Variants in MEI4 observed in about 807,000 individuals in gnomAD.
MEI4 encodes meiosis-specific protein MEI4.
Under a neutral mutation model 31.4 loss-of-function variants are expected in MEI4, and 27 were observed. That is an observed-to-expected ratio of 0.86 (90% CI 0.63 to 1.19). MEI4 has a LOEUF of 1.19. MEI4 is among the 50% of genes most tolerant of loss of function. The pLI is 0.00. For missense variants in MEI4, 329 were observed against 398.9 expected, an observed-to-expected ratio of 0.82 and a Z score of 1.49; for synonymous variants, 122 against 145.4, an observed-to-expected ratio of 0.84 and a Z score of 1.16.
intron 3 of MEI4, among the ~76,000 whole-genome samples, chr6:77,768,406 G>T (rs28431813): frequency 7.2e-5 from 11 of 152,140 alleles, no homozygotes; most frequent in Admixed American, 5.2e-4. Flanking sequence ...GTGTAAAAAT[G>T]TATGTTTATA....
chr6:77,713,180 C>T (rs1766505115), intron 2 of MEI4, among the ~76,000 whole-genome samples: 3 of 152,072 alleles, frequency 2.0e-5, no homozygotes, highest in South Asian at 4.1e-4. Flanking sequence ...TACACACTCT[C>T]CTGTTCTGAA....
At chr6:77,663,184 G>A (rs566425509) in intron 1 of MEI4, among the ~76,000 whole-genome samples, 316 of 152,306 alleles carry the variant, frequency 2.1e-3, no homozygotes, top group Middle Eastern at 0.014. Flanking sequence ...CCTGGTTTTA[G>A]GACAGGTAAA....
chr6:77,663,978 G>A (rs1223656588), intron 1 of MEI4, among the ~76,000 whole-genome samples: 4 of 152,236 alleles, frequency 2.6e-5, no homozygotes, highest in African/African-American at 4.8e-5. Flanking sequence ...CCCGGGCTGC[G>A]GGCATTCCTT....
At chr6:77,878,756 G>A (rs1771405686) in intron 4 of MEI4, among the ~76,000 whole-genome samples, 1 of 151,934 alleles carries the variant, frequency 6.6e-6, no homozygotes, top group African/African-American at 2.4e-5. Flanking sequence ...TAAATCATGT[G>A]AAATTGATAT....
Position 77,923,277 on chromosome 6 carries a change from GTTTAC to G in MEI4, c.1093_1097del (p.Thr365LeufsTer18). 9 of 1,230,144 alleles carry G rather than the reference GTTTAC, an allele frequency of 7.3e-6. No homozygotes were observed. The highest frequency in any genetic ancestry group is 9.1e-6 in the Non-Finnish European group (9 of 986,642). 76.2% of individuals were successfully genotyped at this position (1,230,144 alleles called of 1,614,324 possible). ...TCCAACTTTCTGATGCATTTCCTTT[GTTTAC>G]TTTTTATTTATGGAGAGTGGGCATT... On this transcript the variant is annotated frameshift_variant, in exon 5 of 5. Transcript: ENST00000684080. LOFTEE classifies it high-confidence loss of function.
chr6:77,816,372 G>A (rs1769690230), intron 3 of MEI4, among the ~76,000 whole-genome samples: 1 of 152,126 alleles, frequency 6.6e-6, no homozygotes, highest in Non-Finnish European at 1.5e-5. Context: ...CACGGGCATA[G>A]TTCTTTTTAA....
intron 2 of MEI4, among the ~76,000 whole-genome samples, chr6:77,734,507 C>T (rs976409101): frequency 6.6e-6 from 1 of 152,140 alleles, no homozygotes; most frequent in African/African-American, 2.4e-5. Context: ...TTCCTCCAAT[C>T]TTTTATTTTG....
intron 4 of MEI4, among the ~76,000 whole-genome samples, chr6:77,908,657 T>G (rs527563623): frequency 6.6e-6 from 1 of 152,102 alleles, no homozygotes; most frequent in Admixed American, 6.6e-5. Flanking sequence ...ATATGAACTT[T>G]AAAGTAGCAA....
chr6:77,735,584 C>G (rs1202531484), intron 2 of MEI4, among the ~76,000 whole-genome samples: 1 of 152,010 alleles, frequency 6.6e-6, no homozygotes, highest in African/African-American at 2.4e-5. Context: ...TTTGAATGTC[C>G]TCCCGTAGCT....
intron 3 of MEI4, among the ~76,000 whole-genome samples, chr6:77,806,853 G>A (rs1366986398): frequency 5.9e-5 from 9 of 151,708 alleles, no homozygotes; most frequent in African/African-American, 2.2e-4. Flanking sequence ...GGTTTTACTG[G>A]AACACATCTA....
At chr6:77,668,302 A>G (rs1194657791) in intron 1 of MEI4, among the ~76,000 whole-genome samples, 2 of 152,194 alleles carry the variant, frequency 1.3e-5, no homozygotes, top group Non-Finnish European at 2.9e-5. Context: ...TTTGCCTTCT[A>G]GGGCAAACCT....
chr6:77,655,124 C>A (rs569513028), intron 1 of MEI4, among the ~76,000 whole-genome samples: 1 of 152,224 alleles, frequency 6.6e-6, no homozygotes, highest in South Asian at 2.1e-4. Context: ...TCTCATTGTT[C>A]AACTCCCACT....
chr6:77,740,215 TTTGA>T (rs1207859386), intron 2 of MEI4, among the ~76,000 whole-genome samples: 1 of 152,212 alleles, frequency 6.6e-6, no homozygotes, highest in Non-Finnish European at 1.5e-5. Context: ...GTTTTTTATG[TTTGA>T]TTATGTGATC....
chr6:77,903,268 A>G (rs956418336), intron 4 of MEI4, among the ~76,000 whole-genome samples: 1 of 152,152 alleles, frequency 6.6e-6, no homozygotes, highest in Non-Finnish European at 1.5e-5. Flanking sequence ...GCAATGCACA[A>G]TCAGCACAAA....
chr6:77,776,307 TATTA>T (rs1768440702), intron 3 of MEI4, among the ~76,000 whole-genome samples: 1 of 152,116 alleles, frequency 6.6e-6, no homozygotes, highest in Non-Finnish European at 1.5e-5. Context: ...ACCTAACCAG[TATTA>T]ATTTTGACTC....
At chr6:77,687,738 G>A (rs1769084586) in intron 1 of MEI4, among the ~76,000 whole-genome samples, 2 of 152,156 alleles carry the variant, frequency 1.3e-5, no homozygotes, top group Admixed American at 1.3e-4. Context: ...AGCCAAATGG[G>A]AGAGATGCAT....
chr6:77,809,303 A>G (rs1299317921), intron 3 of MEI4, among the ~76,000 whole-genome samples: 1 of 152,206 alleles, frequency 6.6e-6, no homozygotes, highest in African/African-American at 2.4e-5. Context: ...TAGTTTATTT[A>G]AGGAAGTCAT....
intron 1 of MEI4, among the ~76,000 whole-genome samples, chr6:77,687,895 A>G (rs1336833396): frequency 6.6e-6 from 1 of 152,040 alleles, no homozygotes; most frequent in Non-Finnish European, 1.5e-5. Context: ...AAAAAGCATG[A>G]TCCATCATTA....
intron 3 of MEI4, among the ~76,000 whole-genome samples, chr6:77,764,891 T>C (rs748625178): frequency 6.6e-6 from 1 of 152,044 alleles, no homozygotes; most frequent in Non-Finnish European, 1.5e-5. Flanking sequence ...AAAGGGAAAT[T>C]CAAAAGTATC....
Sources: gnomAD v4.1 joint callset for allele counts (sites outside exome capture counted in the v4.1 genomes callset) on GRCh38, gnomAD v4.1.1 for gene constraint, MANE v1.5 for transcripts, NCBI Gene and HGNC (gene_info 2026-07-23, HGNC 2026-07-21) for gene names.